HOXC4: variants seen among roughly 807,000 people sequenced by gnomAD.
The protein encoded by HOXC4 is homeobox C4.
In HOXC4, 15 loss-of-function variants were observed where a neutral mutation model predicts 25.5. That is an observed-to-expected ratio of 0.59 (90% confidence interval 0.39 to 0.91). HOXC4 has a LOEUF of 0.91. HOXC4 is among the 40% of genes least tolerant of loss of function. The pLI, the probability that HOXC4 is intolerant of heterozygous loss-of-function variation, is 0.00. For missense variants in HOXC4, 342 were observed against 352.4 expected, an observed-to-expected ratio of 0.97 and a Z score of 0.24; for synonymous variants, 165 against 148.0, an observed-to-expected ratio of 1.11 and a Z score of -0.83.
intron 1 of HOXC4, among the ~76,000 whole-genome samples, chr12:54,023,245 T>C (rs1007580139): frequency 2.0e-5 from 3 of 152,230 alleles, no homozygotes; most frequent in Non-Finnish European, 4.4e-5. Flanking sequence ...GGCTCAGGGC[T>C]GAGCGTGATG....
At chr12:54,033,218 G>A (rs1194310286) in intron 1 of HOXC4, 2 of 1,614,164 alleles carry the variant, frequency 1.2e-6, no homozygotes, top group Non-Finnish European at 1.7e-6. Context: ...CGGCCTCAGA[G>A]GTGCAGGCAT....
At chr12:54,051,636 C>CA (rs944196054), upstream of HOXC4, among the ~76,000 whole-genome samples, 2 of 152,238 alleles carry the variant, frequency 1.3e-5, no homozygotes, top group African/African-American at 4.8e-5. Flanking sequence ...CCTGTTCCTT[C>CA]ACCTGGCCTG....
chr12:54,042,267 C>T (rs956619298), intron 1 of HOXC4, among the ~76,000 whole-genome samples: 27 of 152,178 alleles, frequency 1.8e-4, no homozygotes, highest in Admixed American at 1.0e-3. Context: ...CATGAGCCAC[C>T]GTGGCCAGCC....
chr12:54,055,088 C>T lies in HOXC4; in HGVS notation c.678C>T (p.Pro226=), dbSNP rs1171235285. The change falls in exon 2 of 2, where the codon CCC becomes CCT. Residue 226 remains proline, a synonymous_variant. Coordinates refer to ENST00000430889, the MANE Select transcript of HOXC4 (RefSeq NM_153633.3). The part of the protein sequence containing the change: ...RLPNTKVRSA[P]PAGAAPSTLS... ...CCAACACCAAAGTCAGGTCAGCACC[C>T]CCGGCCGGCGCTGCGCCCAGCACCC... 8 of 1,613,360 alleles carry T rather than the reference C, an allele frequency of 5.0e-6. No individual in the cohort carries two copies. In the Admixed American group the frequency reaches 1.2e-4, roughly 24 times the overall value.
rs567292669 is a variant in HOXC4 at position 54,041,754 on chromosome 12, G to A, written c.-123-11406G>A. ...TGCAATGGCACAATCTCGGCTCATC[G>A]CAAACTCTGTCTCCTGGGTTCAAGT... On this transcript the variant is annotated intron_variant, in intron 1 of 3. Transcript: ENST00000303406. Among the ~76,000 whole-genome samples, 83 of 152,252 alleles carry A rather than the reference G, an allele frequency of 5.5e-4. 1 individual carries two copies. The South Asian group carries it at 0.017, about 31-fold the overall frequency.
intron 1 of HOXC4, chr12:54,028,454 C>A (rs1592231312): frequency 1.3e-6 from 2 of 1,524,314 alleles, no homozygotes; most frequent in Non-Finnish European, 1.8e-6. Flanking sequence ...CCATCTAGTT[C>A]CGAGTACAAA....
chr12:54,044,114 G>A (rs1937644486), intron 1 of HOXC4, among the ~76,000 whole-genome samples: 2 of 151,972 alleles, frequency 1.3e-5, no homozygotes, highest in Admixed American at 6.6e-5. Context: ...CTAGAGTAGG[G>A]TGTTTTGATC....
chr12:54,028,846 G>A (rs2136436634), intron 1 of HOXC4: 2 of 1,614,046 alleles, frequency 1.2e-6, no homozygotes, highest in South Asian at 1.1e-5. Context: ...TTCTGAGCAG[G>A]GCAGGACTGC....
chr12:54,036,307 C>T (rs1028198443), intron 1 of HOXC4, among the ~76,000 whole-genome samples: 1 of 152,108 alleles, frequency 6.6e-6, no homozygotes, highest in South Asian at 2.1e-4. Context: ...CAAGCCTAGG[C>T]CCCCCACACT....
intron 1 of HOXC4, chr12:54,029,594 A>C: frequency 6.5e-7 from 1 of 1,545,474 alleles, no homozygotes; most frequent in African/African-American, 1.4e-5. Context: ...TGCTAGGCGA[A>C]ACAGTCTGCA....
At chr12:54,033,335 C>T (rs1210179296) in intron 1 of HOXC4, 5 of 1,612,924 alleles carry the variant, frequency 3.1e-6, no homozygotes, top group African/African-American at 2.7e-5. Flanking sequence ...GGGCTCACCC[C>T]GACCGCCCCG....
intron 1 of HOXC4, chr12:54,047,789 C>G (rs372515205): frequency 6.6e-6 from 1 of 152,262 alleles, no homozygotes; most frequent in African/African-American, 2.4e-5. Context: ...CTCTGGTGCC[C>G]TCTCCCAGGC....
intron 1 of HOXC4, among the ~76,000 whole-genome samples, chr12:54,045,777 G>A (rs1937687764): frequency 1.3e-5 from 2 of 152,062 alleles, no homozygotes; most frequent in Non-Finnish European, 2.9e-5. Context: ...TTGGATGTTT[G>A]GCTTATTAAA....
intron 1 of HOXC4, chr12:54,019,883 T>A (rs1312597296): frequency 2.0e-5 from 3 of 152,028 alleles, no homozygotes; most frequent in Non-Finnish European, 4.4e-5. Context: ...CCCCATCCTA[T>A]GCCCTTCACC....
At chr12:54,045,351 T>C (rs569685579) in intron 1 of HOXC4, among the ~76,000 whole-genome samples, 1 of 152,368 alleles carries the variant, frequency 6.6e-6, no homozygotes, top group South Asian at 2.1e-4. Context: ...GTGTGCACTT[T>C]ACCAATCTTT....
chr12:54,042,577 G>C (rs1311366419), intron 1 of HOXC4, among the ~76,000 whole-genome samples: 1 of 152,118 alleles, frequency 6.6e-6, no homozygotes. Context: ...TTTGAGAGGG[G>C]GAATGCTGAA....
upstream of HOXC4, among the ~76,000 whole-genome samples, chr12:54,051,700 C>T (rs1937850098): frequency 6.6e-6 from 1 of 152,222 alleles, no homozygotes; most frequent in South Asian, 2.1e-4. Context: ...CAGGGACCAC[C>T]AAGCACCAGC....
At chr12:54,026,265 G>A (rs963403834) in intron 1 of HOXC4, among the ~76,000 whole-genome samples, 1 of 152,128 alleles carries the variant, frequency 6.6e-6, no homozygotes, top group Non-Finnish European at 1.5e-5. Flanking sequence ...TCAGTCCCCA[G>A]AGTACTCCTG....
At chr12:54,047,403 T>C (rs2136461496) in intron 1 of HOXC4, among the ~76,000 whole-genome samples, 1 of 152,236 alleles carries the variant, frequency 6.6e-6, no homozygotes, top group African/African-American at 2.4e-5. Context: ...GACCATTTCG[T>C]TGGAATGTAG....
Sources: allele counts gnomAD v4.1 joint callset (sites outside exome capture counted in the v4.1 genomes callset), GRCh38; gene constraint gnomAD v4.1.1; transcripts MANE v1.5; gene names NCBI Gene and HGNC (gene_info 2026-07-23, HGNC 2026-07-21).